PPEF1: variants seen among roughly 807,000 people sequenced by gnomAD.
PPEF1 encodes the protein serine/threonine-protein phosphatase with EF-hands 1.
In PPEF1, 12 loss-of-function variants were observed where a neutral mutation model predicts 53.3. The ratio of observed to expected loss-of-function variants is 0.23; its 90% CI spans 0.14 to 0.36. The LOEUF (loss-of-function observed/expected upper bound fraction) is 0.36. Among genes scored for constraint, PPEF1 ranks in the 10% least tolerant of loss-of-function variants. The pLI, the probability that PPEF1 is intolerant of heterozygous loss-of-function variation, is 1.00. For synonymous variants in PPEF1, 165 were observed against 176.7 expected, an observed-to-expected ratio of 0.93 and a Z score of 0.52; for missense variants, 334 against 490.4, an observed-to-expected ratio of 0.68 and a Z score of 3.01.
intron 3 of PPEF1, among the ~76,000 whole-genome samples, chrX:18,737,671 G>A (rs2045021231): frequency 9.0e-6 from 1 of 111,213 alleles, no homozygotes; most frequent in South Asian, 3.8e-4. Flanking sequence ...CAGTTCCTGG[G>A]TATCCTTGTT....
chrX:18,804,009 C>T lies in PPEF1; in HGVS notation c.1183C>T (p.Gln395Ter). 8.3e-7 allele frequency: 1 copy of T among 1,204,756 alleles called. No individual in the cohort carries two copies. The highest frequency in any genetic ancestry group is 1.1e-6 in the Non-Finnish European group (1 of 889,827). ...DVTSKILNKYQLKMLIRSHEC... is the reference protein window; with the variant it reads ...DVTSKILNKY ...TACTTCCAAGATTCTTAATAAATAC[C>T]AGTTGAAGATGCTCATCAGGTCTCA... Residue 395 changes from glutamine (Q) to a stop codon, truncating the protein, a stop_gained, in exon 11 of 16, where the codon CAG (glutamine) becomes TAG (stop). Transcript: ENST00000470157. LOFTEE classifies it high-confidence loss of function.
At chrX:18,813,374 G>A (rs1256932479) in intron 12 of PPEF1, among the ~76,000 whole-genome samples, 13 of 78,088 alleles carry the variant, frequency 1.7e-4, no homozygotes, top group Admixed American at 1.2e-3. Context: ...GCAAGACTCC[G>A]TCTCAAAAAA....
chrX:18,823,607 A>G (rs1301996959), intron 13 of PPEF1, among the ~76,000 whole-genome samples: 3 of 109,230 alleles, frequency 2.7e-5, no homozygotes, highest in Non-Finnish European at 5.7e-5. Context: ...AGCCTGGGTG[A>G]AAAGAGCCAG....
upstream of PPEF1, among the ~76,000 whole-genome samples, chrX:18,680,985 A>G (rs983364668): frequency 9.0e-6 from 1 of 111,322 alleles, no homozygotes; most frequent in African/African-American, 3.3e-5. Context: ...TATGGTGTAT[A>G]TGTGCCACAT....
chrX:18,725,938 G>A (rs1452276243), intron 1 of PPEF1, among the ~76,000 whole-genome samples: 1 of 111,408 alleles, frequency 9.0e-6, no homozygotes, highest in Non-Finnish European at 1.9e-5. Context: ...GGAGAGTGGG[G>A]TGGGGATGGA....
intron 4 of PPEF1, among the ~76,000 whole-genome samples, chrX:18,754,700 C>T (rs1315802908): frequency 3.6e-5 from 4 of 111,769 alleles, no homozygotes; most frequent in Non-Finnish European, 7.5e-5. Flanking sequence ...TGGGCTCAAG[C>T]AATCCTCCCC....
intron 10 of PPEF1, among the ~76,000 whole-genome samples, chrX:18,794,429 C>A (rs1400163982): frequency 1.8e-5 from 2 of 113,130 alleles, no homozygotes; most frequent in Non-Finnish European, 3.7e-5. Context: ...ACCTGCCTCA[C>A]CCCCTGGGCC....
intron 3 of PPEF1, chrX:18,686,235 A>G (rs1200739693): frequency 2.7e-5 from 3 of 111,758 alleles, no homozygotes; most frequent in Non-Finnish European, 3.8e-5. Context: ...TCCGAAGGTA[A>G]GATTTGATCC....
chrX:18,686,108 A>G (rs898207777), intron 2 of PPEF1: 2 of 112,523 alleles, frequency 1.8e-5, no homozygotes, highest in African/African-American at 6.5e-5. Flanking sequence ...TAGTCCTTAC[A>G]GTAAAATTAT....
upstream of PPEF1, among the ~76,000 whole-genome samples, chrX:18,706,741 G>A (rs181760640): frequency 0.01 from 1,093 of 105,408 alleles, 18 homozygotes; most frequent in African/African-American, 0.034. Flanking sequence ...GCGAGACTCC[G>A]TCTCAAAAAA....
chrX:18,707,157 A>G (rs1436156584), upstream of PPEF1, among the ~76,000 whole-genome samples: 1 of 110,760 alleles, frequency 9.0e-6, no homozygotes, highest in Non-Finnish European at 1.9e-5. Context: ...AATGTTCCCA[A>G]CTTATTCCGC....
intron 1 of PPEF1, among the ~76,000 whole-genome samples, chrX:18,677,335 G>C (rs1443211697): frequency 1.8e-5 from 2 of 112,209 alleles, no homozygotes; most frequent in East Asian, 5.6e-4. Context: ...CACCGCGCCC[G>C]GCCCCACCCA....
chrX:18,784,083 G>T, intron 9 of PPEF1, 35 bp downstream of exon 9: 4 of 1,110,799 alleles, frequency 3.6e-6, no homozygotes, highest in Non-Finnish European at 4.8e-6. Flanking sequence ...CTTCTCTCAG[G>T]GATTTAGAAG....
chrX:18,767,606 G>A (rs145456750), intron 6 of PPEF1, among the ~76,000 whole-genome samples: 1 of 112,331 alleles, frequency 8.9e-6, no homozygotes, highest in African/African-American at 3.2e-5. Context: ...AGCCAAAATG[G>A]TTAAAGTAAT....
chrX:18,806,441 A>G lies in PPEF1; in HGVS notation c.1290A>G (p.Glu430=), dbSNP rs1279581359. The G allele has an allele frequency of 2.5e-6, 3 of 1,207,865 alleles. No individual in the cohort carries two copies. The highest frequency in any genetic ancestry group is 3.4e-6 in the Non-Finnish European group (3 of 892,253). ...TIFSASNYYE[E]GSNRGAYIKL... is the part of the protein sequence containing the mutation. ...TTTCTGCTTCTAATTATTATGAAGA[A>G]GGCAGCAATCGAGGAGCTTACATCA... Residue 430 remains glutamate (E), a synonymous_variant, in exon 12 of 16, where the codon GAA becomes GAG. Transcript: ENST00000470157.
Position 18,789,145 on chromosome X carries a change from A to G in PPEF1, c.937A>G (p.Thr313Ala). The G allele has an allele frequency of 5.8e-6, 7 of 1,211,847 alleles. No homozygotes were observed. Among genetic ancestry groups the G allele is most frequent in the Non-Finnish European group, 7.8e-6 (7 of 895,358 alleles). ...GATGAAATCTGTGCTGATACCACCAACGGAAACAAACAGAGACCATGACAC... is the reference window on the plus strand; with the variant it reads ...GATGAAATCTGTGCTGATACCACCAGCGGAAACAAACAGAGACCATGACAC... Reference protein sequence around the residue: ...NKMKSVLIPPTETNRDHDTDS... With the variant: ...NKMKSVLIPPAETNRDHDTDS... Residue 313 changes from threonine to alanine, a missense_variant, in exon 10 of 16, where the codon ACG (threonine) becomes GCG (alanine). Transcript: ENST00000470157.
intron 3 of PPEF1, among the ~76,000 whole-genome samples, chrX:18,740,032 T>C (rs989667729): frequency 8.9e-6 from 1 of 112,544 alleles, no homozygotes; most frequent in African/African-American, 3.2e-5. Context: ...GTACCATCTG[T>C]CACGGCTTCC....
chrX:18,751,761 G>A (rs1344002035), intron 4 of PPEF1, among the ~76,000 whole-genome samples: 1 of 112,243 alleles, frequency 8.9e-6, no homozygotes. Flanking sequence ...GCCTGGGCGA[G>A]AAAGCGAGAC....
chrX:18,695,195 G>A (rs1929643903), intron 4 of PPEF1, among the ~76,000 whole-genome samples: 1 of 112,464 alleles, frequency 8.9e-6, no homozygotes, highest in African/African-American at 3.2e-5. Flanking sequence ...CTGTTTGACT[G>A]AGGGCCTTAG....
Sources: gnomAD v4.1 joint callset for allele counts (sites outside exome capture counted in the v4.1 genomes callset) on GRCh38, gnomAD v4.1.1 for gene constraint, MANE v1.5 for transcripts, NCBI Gene and HGNC (gene_info 2026-07-23, HGNC 2026-07-21) for gene names.